Variants in GRIP1 observed in about 807,000 individuals in gnomAD.
The protein encoded by GRIP1 is glutamate receptor-interacting protein 1.
In GRIP1, 45 loss-of-function variants were observed where a neutral mutation model predicts 129.9. The observed-to-expected ratio is 0.35, with a 90% CI of 0.27 to 0.44. GRIP1 has a LOEUF of 0.44. Among genes scored for constraint, GRIP1 ranks in the 20% least tolerant of loss-of-function variants. The pLI is 1.00. For synonymous variants in GRIP1, 530 were observed against 520.8 expected, an observed-to-expected ratio of 1.02 and a Z score of -0.24; for missense variants, 1,196 against 1,396.8, an observed-to-expected ratio of 0.86 and a Z score of 2.29.
intron 1 of GRIP1, among the ~76,000 whole-genome samples, chr12:66,658,073 G>C (rs1477541301): frequency 1.3e-5 from 2 of 152,022 alleles, no homozygotes; most frequent in Non-Finnish European, 2.9e-5. Context: ...ACTTATTAGT[G>C]AAAGTAATGG....
chr12:66,365,182 T>A (rs1461420136), intron 23 of GRIP1, among the ~76,000 whole-genome samples: 1 of 152,228 alleles, frequency 6.6e-6, no homozygotes, highest in African/African-American at 2.4e-5. Context: ...ATGCCTGTAA[T>A]CCCAGCACTT....
Position 66,465,433 on chromosome 12 carries a change from A to G in GRIP1, c.725-11T>C. On this transcript the variant is annotated splice_polypyrimidine_tract_variant and intron_variant, in intron 7 of 24. Coordinates refer to ENST00000359742, the MANE Select transcript of GRIP1 (RefSeq NM_001366722.1). The stretch of plus-strand genomic sequence containing the variant: ...CTGTTGCCACAGAGTCTGTCAAAGA[A>G]CAAATTTTAGAAAACAAAACAAATA... 1 of 1,611,378 alleles carries G rather than the reference A, an allele frequency of 6.2e-7. No homozygotes were observed. The highest frequency in any genetic ancestry group is 8.5e-7 in the Non-Finnish European group (1 of 1,177,562).
chr12:66,751,390 C>T (rs2037122827), intron 1 of GRIP1, among the ~76,000 whole-genome samples: 1 of 152,132 alleles, frequency 6.6e-6, no homozygotes, highest in Non-Finnish European at 1.5e-5. Context: ...CAGCTATTCT[C>T]TCTTCTCATA....
At chr12:66,376,504 A>G (rs979398243) in intron 22 of GRIP1, among the ~76,000 whole-genome samples, 10 of 152,242 alleles carry the variant, frequency 6.6e-5, no homozygotes, top group Non-Finnish European at 8.8e-5. Flanking sequence ...AGAACTCACC[A>G]GGAGTTCAGC....
chr12:67,064,918 A>C, intron 1 of GRIP1: 1 of 110,340 alleles, frequency 9.1e-6, no homozygotes. Context: ...CCACCCCACA[A>C]CAATCCCCAG....
chr12:66,674,936 C>A (rs542185515), intron 1 of GRIP1, among the ~76,000 whole-genome samples: 10 of 152,074 alleles, frequency 6.6e-5, no homozygotes, highest in Non-Finnish European at 1.0e-4. Context: ...CAGTTCCCTG[C>A]CAGCCACAGA....
At chr12:67,019,089 C>T (rs763610833) in intron 1 of GRIP1, among the ~76,000 whole-genome samples, 2 of 152,042 alleles carry the variant, frequency 1.3e-5, no homozygotes, top group Non-Finnish European at 2.9e-5. Flanking sequence ...GCACAAAAAC[C>T]GTGGGTTGAG....
At chr12:66,990,085 A>AATT in intron 1 of GRIP1, among the ~76,000 whole-genome samples, 1 of 152,230 alleles carries the variant, frequency 6.6e-6, no homozygotes, top group Non-Finnish European at 1.5e-5. Context: ...AAGGGATGGT[A>AATT]CATAAGAAGG....
At chr12:66,457,524 G>A (rs2059003557) in intron 9 of GRIP1, among the ~76,000 whole-genome samples, 1 of 152,154 alleles carries the variant, frequency 6.6e-6, no homozygotes, top group African/African-American at 2.4e-5. Flanking sequence ...GCCCTGAGTT[G>A]TTGGGATTAA....
At chr12:66,361,424 A>C (rs978755335) in intron 23 of GRIP1, among the ~76,000 whole-genome samples, 1 of 152,142 alleles carries the variant, frequency 6.6e-6, no homozygotes, top group African/African-American at 2.4e-5. Flanking sequence ...GTCCCAACCA[A>C]AAAAGTTACA....
chr12:66,878,077 G>A (rs2040412332), intron 1 of GRIP1, among the ~76,000 whole-genome samples: 1 of 152,046 alleles, frequency 6.6e-6, no homozygotes, highest in Non-Finnish European at 1.5e-5. Context: ...ATGAATGGCT[G>A]TTCTGAAGTC....
At chr12:66,413,751 C>T (rs967591767) in intron 15 of GRIP1, among the ~76,000 whole-genome samples, 18 of 152,108 alleles carry the variant, frequency 1.2e-4, no homozygotes, top group African/African-American at 2.4e-4. Flanking sequence ...TTATCCACCA[C>T]GATCAAGTTG....
intron 7 of GRIP1, among the ~76,000 whole-genome samples, chr12:66,508,255 A>G (rs1435348754): frequency 6.6e-6 from 1 of 152,172 alleles, no homozygotes; most frequent in East Asian, 1.9e-4. Context: ...ATTCATAAGA[A>G]CAGCTAATCT....
intron 1 of GRIP1, among the ~76,000 whole-genome samples, chr12:66,811,855 TC>T (rs1304249464): frequency 5.9e-5 from 9 of 152,222 alleles, no homozygotes; most frequent in African/African-American, 2.2e-4. Flanking sequence ...TTAAATTTGT[TC>T]CTGTGGTCTC....
At chr12:66,899,896 G>A (rs2040817560) in intron 1 of GRIP1, among the ~76,000 whole-genome samples, 1 of 152,092 alleles carries the variant, frequency 6.6e-6, no homozygotes, top group African/African-American at 2.4e-5. Context: ...TCTTGGGCAG[G>A]ACCAGTCTAT....
At chr12:66,995,359 A>C (rs2042452090) in intron 1 of GRIP1, among the ~76,000 whole-genome samples, 1 of 152,152 alleles carries the variant, frequency 6.6e-6, no homozygotes, top group Non-Finnish European at 1.5e-5. Context: ...GAACTTCATC[A>C]AAATTTAAAA....
chr12:66,822,885 A>T (rs867991746), intron 1 of GRIP1, among the ~76,000 whole-genome samples: 2 of 152,302 alleles, frequency 1.3e-5, no homozygotes, highest in Middle Eastern at 6.8e-3. Context: ...TACTATCCTC[A>T]TACCTGGCTG....
At chr12:66,913,490 G>C (rs915537650) in intron 1 of GRIP1, among the ~76,000 whole-genome samples, 1 of 152,110 alleles carries the variant, frequency 6.6e-6, no homozygotes, top group Admixed American at 6.6e-5. Context: ...CAGCAATAAT[G>C]CATCAAAGAT....
chr12:66,510,698 G>A (rs1300255691), intron 7 of GRIP1, among the ~76,000 whole-genome samples: 3 of 152,058 alleles, frequency 2.0e-5, no homozygotes, highest in African/African-American at 7.2e-5. Context: ...ATTTGCTAAA[G>A]TTTATCATTT....
Sources: gnomAD v4.1 joint callset for allele counts (sites outside exome capture counted in the v4.1 genomes callset) on GRCh38, gnomAD v4.1.1 for gene constraint, MANE v1.5 for transcripts, NCBI Gene and HGNC (gene_info 2026-07-23, HGNC 2026-07-21) for gene names.